The following UNC5B variants were observed in gnomAD, a reference collection of about 807,000 sequenced individuals.
The protein encoded by UNC5B is netrin receptor UNC5B.
Under a neutral mutation model 103.7 loss-of-function variants are expected in UNC5B, and 56 were observed. The ratio of observed to expected loss-of-function variants is 0.54; its 90% CI spans 0.44 to 0.67. The LOEUF is 0.67. UNC5B is among the 30% of genes least tolerant of loss of function. The pLI is 0.00. For synonymous variants in UNC5B, 577 were observed against 542.0 expected, an observed-to-expected ratio of 1.06 and a Z score of -0.90; for missense variants, 1,194 against 1,284.5, an observed-to-expected ratio of 0.93 and a Z score of 1.08.
At chr10:71,275,851 G>A (rs1055396036) in intron 1 of UNC5B, among the ~76,000 whole-genome samples, 1 of 151,606 alleles carries the variant, frequency 6.6e-6, no homozygotes, top group Non-Finnish European at 1.5e-5. Flanking sequence ...GTAGCTCCAG[G>A]TAGCTCAGTT....
At position 71,291,538 on chromosome 10, in the gene UNC5B, C is replaced by T; in HGVS notation, c.1401C>T (p.Pro467=). The T allele has an allele frequency of 3.1e-6, 5 of 1,614,188 alleles. No homozygotes were observed. Among genetic ancestry groups the T allele is most frequent in the Non-Finnish European group, 3.4e-6 (4 of 1,180,026 alleles). ...TGCAGGACTCCACCGACAAAATCCCCATGACCAACTCTCCTCTGCTGGACC... is the reference window on the plus strand; with the variant it reads ...TGCAGGACTCCACCGACAAAATCCCTATGACCAACTCTCCTCTGCTGGACC... ...YALQDSTDKI[P]MTNSPLLDPL... Residue 467 remains proline (P), a synonymous_variant, in exon 10 of 17, where the codon CCC becomes CCT. Transcript: ENST00000335350.
intron 1 of UNC5B, among the ~76,000 whole-genome samples, chr10:71,274,369 A>AAAAT (rs1564726385): frequency 4.6e-5 from 7 of 151,798 alleles, no homozygotes; most frequent in East Asian, 1.9e-4. Context: ...AAAAAAAAAA[A>AAAAT]AAAATAAAAT....
intron 1 of UNC5B, among the ~76,000 whole-genome samples, chr10:71,230,853 G>T (rs1210761455): frequency 1.3e-5 from 2 of 152,234 alleles, no homozygotes; most frequent in African/African-American, 4.8e-5. Flanking sequence ...CAAGCTCCCT[G>T]GATGTGTCAC....
intron 1 of UNC5B, among the ~76,000 whole-genome samples, chr10:71,246,669 C>A (rs1239414951): frequency 2.0e-5 from 3 of 152,076 alleles, no homozygotes; most frequent in Non-Finnish European, 4.4e-5. Context: ...GAAGGATGAA[C>A]AATGAATATA....
At chr10:71,296,369 C>T (rs1845412486) in intron 14 of UNC5B, among the ~76,000 whole-genome samples, 1 of 152,332 alleles carries the variant, frequency 6.6e-6, no homozygotes, top group Non-Finnish European at 1.5e-5. Flanking sequence ...GTGCCTTTCC[C>T]TCCCCCACCT....
intron 1 of UNC5B, among the ~76,000 whole-genome samples, chr10:71,241,298 G>A (rs11816159): frequency 0.063 from 9,643 of 152,146 alleles, 361 homozygotes; most frequent in East Asian, 0.14. Flanking sequence ...TGCCAGTGCC[G>A]AAGGCCCCCC....
At chr10:71,235,875 A>G (rs77969055) in intron 1 of UNC5B, among the ~76,000 whole-genome samples, 233 of 152,366 alleles carry the variant, frequency 1.5e-3, no homozygotes, top group African/African-American at 5.4e-3. Context: ...AGAGGGACCC[A>G]TGTGGAAGGC....
chr10:71,250,352 C>T (rs7898856), intron 1 of UNC5B, among the ~76,000 whole-genome samples: 36,534 of 152,206 alleles, frequency 0.24, 4,519 homozygotes, highest in Non-Finnish European at 0.28. Context: ...ATCATTGCCC[C>T]TCTCCCAGCC....
At chr10:71,243,107 C>T (rs557657430) in intron 1 of UNC5B, among the ~76,000 whole-genome samples, 19 of 152,170 alleles carry the variant, frequency 1.2e-4, no homozygotes, top group African/African-American at 4.1e-4. Flanking sequence ...TGGTGGCACG[C>T]GCCTATAATC....
chr10:71,290,019 A>G (rs1845204500), intron 8 of UNC5B, among the ~76,000 whole-genome samples: 1 of 152,220 alleles, frequency 6.6e-6, no homozygotes, highest in Non-Finnish European at 1.5e-5. Flanking sequence ...CAAGGGGAAG[A>G]GCAGCCATCT....
intron 1 of UNC5B, among the ~76,000 whole-genome samples, chr10:71,273,009 C>A (rs2132292478): frequency 6.6e-6 from 1 of 152,200 alleles, no homozygotes; most frequent in East Asian, 1.9e-4. Context: ...GTGCCTCAGC[C>A]CCCCGAGTAG....
chr10:71,293,818 ATTCC>A lies in UNC5B; in HGVS notation c.2061_2064del (p.Ser688AlafsTer34). Reference sequence around the variant, plus strand: ...ACCTACGTGTTCACGGGCGAGTCCTATTCCCGCTCAGCAGTCAAGCGGCTCCAGC... The same window carrying A: ...ACCTACGTGTTCACGGGCGAGTCCTACGCTCAGCAGTCAAGCGGCTCCAGC... On this transcript the variant is annotated frameshift_variant, in exon 13 of 17. Coordinates refer to ENST00000335350, the MANE Select transcript of UNC5B (RefSeq NM_170744.5). LOFTEE classifies it high-confidence loss of function. 1 of 1,611,500 alleles carries A rather than the reference ATTCC, an allele frequency of 6.2e-7. No individual in the cohort carries two copies. Among genetic ancestry groups the A allele is most frequent in the Non-Finnish European group, 8.5e-7 (1 of 1,179,214 alleles).
intron 1 of UNC5B, among the ~76,000 whole-genome samples, chr10:71,229,924 C>T (rs1211458969): frequency 2.0e-5 from 3 of 152,118 alleles, no homozygotes; most frequent in Non-Finnish European, 2.9e-5. Flanking sequence ...GCACAGAGCG[C>T]GGCATGCAGA....
chr10:71,237,136 C>T (rs952872225), intron 1 of UNC5B, among the ~76,000 whole-genome samples: 1 of 152,140 alleles, frequency 6.6e-6, no homozygotes, highest in South Asian at 2.1e-4. Context: ...TGTGGAATAG[C>T]AAAGGCCACA....
chr10:71,285,190 ATT>A, intron 3 of UNC5B, 134 bp from the exon 4 acceptor site: 1 of 962,924 alleles, frequency 1.0e-6, no homozygotes, highest in East Asian at 2.6e-5. Context: ...AGAAGAGGAA[ATT>A]TCCCAGGCAA....
At chr10:71,297,828 G>A (rs545362600) in intron 15 of UNC5B, 81 bp from the exon 16 acceptor site, 1 of 1,445,188 alleles carries the variant, frequency 6.9e-7, no homozygotes, top group Non-Finnish European at 9.4e-7. Flanking sequence ...GGCTCAATGA[G>A]CTCACAGTCC....
chr10:71,218,005 G>C (rs576238244), intron 1 of UNC5B: 1 of 152,568 alleles, frequency 6.6e-6, no homozygotes, highest in East Asian at 1.9e-4. Flanking sequence ...CCTTCGCGGC[G>C]CTGCACGGCT....
rs772478968 is a variant in UNC5B at position 71,286,721 on chromosome 10, C to T, written c.585C>T (p.Asp195=). 30 of 1,614,098 alleles carry T rather than the reference C, an allele frequency of 1.9e-5. No homozygotes were observed. The Admixed American group carries it at 4.5e-4, about 24-fold the overall frequency. The change falls in exon 5 of 17, where the codon GAC becomes GAT. Residue 195 remains aspartate, a synonymous_variant. Coordinates refer to ENST00000335350, the MANE Select transcript of UNC5B (RefSeq NM_170744.5). ...VEWLKNEDVI[D]PTQDTNFLLT... ...GGCTCAAGAATGAGGATGTCATCGACCCCACCCAGGACACCAACTTCCTGC... is the reference window on the plus strand; with the variant it reads ...GGCTCAAGAATGAGGATGTCATCGATCCCACCCAGGACACCAACTTCCTGC...
chr10:71,293,898 G>T lies in UNC5B; in HGVS notation c.2140G>T (p.Val714Phe). The change falls in exon 13 of 17, where the codon GTC becomes TTC. Residue 714 changes from valine (V) to phenylalanine (F), a missense_variant. Transcript: ENST00000335350. The part of the protein sequence containing the change: ...LCTSLEYSLR[V>F]YCLEDTPVAL... ...CACCTCCCTGGAGTACAGCCTCCGG[G>T]TCTACTGCCTGGAGGACACGCCTGT... 1 of 1,604,888 alleles carries T rather than the reference G, an allele frequency of 6.2e-7. No individual in the cohort carries two copies. Among genetic ancestry groups the T allele is most frequent in the Non-Finnish European group, 8.5e-7 (1 of 1,179,576 alleles).
Sources: gnomAD v4.1 joint callset for allele counts (sites outside exome capture counted in the v4.1 genomes callset) on GRCh38, gnomAD v4.1.1 for gene constraint, MANE v1.5 for transcripts, NCBI Gene and HGNC (gene_info 2026-07-23, HGNC 2026-07-21) for gene names.